The following ABAT variants were observed in gnomAD, a reference collection of about 807,000 sequenced individuals.
The protein encoded by ABAT is 4-aminobutyrate aminotransferase.
ABAT carries 45 observed loss-of-function variants against 64.6 expected under a neutral mutation model. The ratio of observed to expected loss-of-function variants is 0.70; its 90% confidence interval spans 0.55 to 0.89. ABAT has a LOEUF of 0.89. Among genes scored for constraint, ABAT ranks in the 40% least tolerant of loss-of-function variants. The probability of loss-of-function intolerance (pLI) is 0.00; values close to 1 mark genes in which losing one functional copy is unlikely to be tolerated. For synonymous variants in ABAT, 297 were observed against 250.5 expected (o/e 1.19, Z -1.75); for missense variants, 633 against 658.4 (o/e 0.96, Z 0.42).
In ABAT at chr16:8,764,457, C is replaced by T. The variant is rs533782382; in HGVS notation, c.448-281C>T. Among the ~76,000 whole-genome samples, 14 of 152,292 alleles carry T rather than the reference C, an allele frequency of 9.2e-5. No homozygotes were observed. The highest frequency in any genetic ancestry group is 2.0e-4 in the Admixed American group (3 of 15,290). On this transcript the variant is annotated intron_variant, in intron 7 of 15. Coordinates refer to ENST00000268251, the MANE Select transcript of ABAT (RefSeq NM_020686.6). The surrounding 1 kb of genome is among the most constrained non-coding windows in gnomAD (Gnocchi z 4.2). ...CGATTAAAGCCATTGGGAGCCTCAACGTCCCGCCTGGAACGTGTAGGTGTC... is the reference window on the plus strand; with the variant it reads ...CGATTAAAGCCATTGGGAGCCTCAATGTCCCGCCTGGAACGTGTAGGTGTC...
rs1216491825 is a variant in ABAT at position 8,772,824 on chromosome 16, G to T, written c.861G>T (p.Val287=). Residue 287 remains valine (V), a synonymous_variant, in exon 12 of 16, where the codon GTG becomes GTT. Transcript: ENST00000268251. The part of the protein sequence containing the change: ...IVKYRKKKKT[V]AGIIVEPIQS... ...AATATCGGAAAAAGAAGAAGACGGTGGCCGGGATCATCGTGGAGCCCATCC... is the reference window on the plus strand; with the variant it reads ...AATATCGGAAAAAGAAGAAGACGGTTGCCGGGATCATCGTGGAGCCCATCC... 6.2e-7 allele frequency: 1 copy of T among 1,614,100 alleles called. No individual in the cohort carries two copies. Among genetic ancestry groups the T allele is most frequent in the East Asian group, 2.2e-5 (1 of 44,872 alleles).
At chr16:8,719,800 C>T (rs973002995) in intron 1 of ABAT, among the ~76,000 whole-genome samples, 4 of 152,110 alleles carry the variant, frequency 2.6e-5, no homozygotes, top group African/African-American at 9.7e-5. Flanking sequence ...AAGTTGTTCA[C>T]AATTTTTGTT....
chr16:8,768,675 T>C, intron 10 of ABAT, 150 bp from the exon 11 acceptor site: 1 of 1,120,476 alleles, frequency 8.9e-7, no homozygotes, highest in South Asian at 1.2e-5. Context: ...AATTAAAAAT[T>C]AAACGATAAA....
intron 1 of ABAT, among the ~76,000 whole-genome samples, chr16:8,681,641 CTT>C (rs35141742): frequency 0.054 from 6,943 of 127,580 alleles, 195 homozygotes; most frequent in Middle Eastern, 0.11. Flanking sequence ...TGACTGCTAT[CTT>C]TTTTTTTTTT....
chr16:8,675,211 C>A (rs1462735783), intron 1 of ABAT, among the ~76,000 whole-genome samples: 1 of 151,942 alleles, frequency 6.6e-6, no homozygotes, highest in Non-Finnish European at 1.5e-5. Flanking sequence ...AGAGACTCTG[C>A]AAGTCACCCT....
chr16:8,781,384 A>T lies in ABAT; in HGVS notation c.1457A>T (p.His486Leu), dbSNP rs774437605. 1.6e-5 allele frequency: 26 copies of T among 1,614,198 alleles called. No homozygotes were observed. Among genetic ancestry groups the T allele is most frequent in the Middle Eastern group, 1.6e-4 (1 of 6,062 alleles). The change falls in exon 16 of 16, where the codon CAC (histidine) becomes CTC (leucine). Residue 486 changes from histidine to leucine, a missense_variant. By Grantham distance (99) the His-to-Leu change is moderately conservative. Transcript: ENST00000268251. The surrounding 1 kb of genome is among the most constrained non-coding windows in gnomAD (Gnocchi z 4.5). ...PTLVFRDHHA[H>L]LFLNIFSDIL... ...CTGGTCTTCAGGGATCACCACGCTC[A>T]CCTGTTCCTCAATATTTTCAGTGAC...
intron 15 of ABAT, chr16:8,780,755 T>C (rs1432280877): frequency 5.0e-4 from 90 of 179,970 alleles, no homozygotes; most frequent in South Asian, 1.1e-3. Flanking sequence ...AGCGCGAGAC[T>C]CCATCTCTAA....
chr16:8,737,037 C>G (rs1239708564), intron 2 of ABAT: 1 of 152,460 alleles, frequency 6.6e-6, no homozygotes, highest in African/African-American at 2.4e-5. Context: ...CATGGTGTCC[C>G]TTGTTGGCAG....
intron 1 of ABAT, chr16:8,713,578 TTCCCTCCG>T (rs1237543887): frequency 2.0e-5 from 5 of 255,608 alleles, no homozygotes; most frequent in African/African-American, 1.1e-4. Context: ...CTCCTTCACC[TTCCCTCCG>T]TCCCTCTCCC....
chr16:8,682,935 C>A (rs572118552), intron 1 of ABAT, among the ~76,000 whole-genome samples: 2 of 152,064 alleles, frequency 1.3e-5, no homozygotes, highest in African/African-American at 4.8e-5. Flanking sequence ...GTTTGAGAAG[C>A]GTATTTTAGA....
chr16:8,742,789 C>T (rs1005458607), intron 2 of ABAT, among the ~76,000 whole-genome samples: 4 of 150,712 alleles, frequency 2.7e-5, no homozygotes, highest in Non-Finnish European at 5.9e-5. Context: ...TTGCTTGAAA[C>T]CGGGATGCAG....
At chr16:8,772,279 TGTGTG>T (rs1341212039) in intron 11 of ABAT, among the ~76,000 whole-genome samples, 17 of 84,210 alleles carry the variant, frequency 2.0e-4, no homozygotes, top group African/African-American at 1.2e-3. Context: ...TGTGTGTGTG[TGTGTG>T]TGTGTGTGTG....
chr16:8,754,216 ATGGTGGTG>A lies in ABAT; in HGVS notation c.317-3540_317-3533del, dbSNP rs1297079356. ...AAAAAAAAAAAAAAATTAGCCGGGCATGGTGGTGCATACCTGTAATCCCAGCTATTCGG... is the reference window on the plus strand; with the variant it reads ...AAAAAAAAAAAAAAATTAGCCGGGCACATACCTGTAATCCCAGCTATTCGG... On this transcript the variant is annotated intron_variant, in intron 5 of 15. Coordinates refer to ENST00000268251, the MANE Select transcript of ABAT (RefSeq NM_020686.6). 1.3e-4 allele frequency among the ~76,000 whole-genome samples: 18 copies of A among 135,380 alleles called. 1 individual carries two copies. Among genetic ancestry groups the A allele is most frequent in the Non-Finnish European group, 2.4e-4 (15 of 62,572 alleles). The allele number at this position is 135,380 out of a possible 152,430, so 88.8% of individuals were successfully genotyped here.
At chr16:8,735,115 A>G (rs2058877205) in intron 1 of ABAT, among the ~76,000 whole-genome samples, 1 of 149,810 alleles carries the variant, frequency 6.7e-6, no homozygotes, top group African/African-American at 2.5e-5. Context: ...CTGAGGTTGC[A>G]GTGAACCGAG....
In ABAT at chr16:8,676,044, G is replaced by C. The variant is rs562413485; in HGVS notation, c.-42+1333G>C. Among the ~76,000 whole-genome samples, 93 of 152,180 alleles carry C rather than the reference G, an allele frequency of 6.1e-4. No individual in the cohort carries two copies. The Middle Eastern group carries it at 0.01, about 17-fold the overall frequency. The stretch of plus-strand genomic sequence containing the variant: ...CAGGATGTTGGTGACCTGGGGGTGG[G>C]GAGGGGGTGGGAAGAGCTCTTCTCT... On this transcript the variant is annotated intron_variant, in intron 1 of 15. Coordinates refer to ENST00000268251, the MANE Select transcript of ABAT (RefSeq NM_020686.6).
chr16:8,730,359 A>G (rs577603354), intron 1 of ABAT, among the ~76,000 whole-genome samples: 42 of 152,186 alleles, frequency 2.8e-4, no homozygotes, highest in African/African-American at 9.4e-4. Context: ...CCAACATTCT[A>G]TTAGCTCTGT....
At chr16:8,680,720 G>A (rs949831743) in intron 1 of ABAT, among the ~76,000 whole-genome samples, 2 of 152,128 alleles carry the variant, frequency 1.3e-5, no homozygotes, top group Admixed American at 6.6e-5. Context: ...GAGCCACTGC[G>A]CCCGACCTCC....
chr16:8,687,736 T>A (rs1338270309), intron 1 of ABAT, among the ~76,000 whole-genome samples: 2 of 152,128 alleles, frequency 1.3e-5, no homozygotes, highest in African/African-American at 2.4e-5. Context: ...AAGTCCTGAG[T>A]CTGGAAAGCA....
rs375495429 is a variant in ABAT, at chr16:8,733,795, TGAGAGGGAGACCGTGGAAAGAGAGG to T, written c.-41-1893_-41-1869del. 1.8e-3 allele frequency among the ~76,000 whole-genome samples: 270 copies of T among 147,986 alleles called. 2 individuals carry two copies. The East Asian group carries it at 0.024, about 13-fold the overall frequency. On this transcript the variant is annotated intron_variant, in intron 1 of 15. Coordinates refer to ENST00000268251, the MANE Select transcript of ABAT (RefSeq NM_020686.6). ...AGTACAGTCCAGCTTCGGCTCAGCA[TGAGAGGGAGACCGTGGAAAGAGAGG>T]GAGAGGGAGAGGGAGAGGGAACTGA...
Sources: allele counts gnomAD v4.1 joint callset (sites outside exome capture counted in the v4.1 genomes callset), GRCh38; gene constraint gnomAD v4.1.1; non-coding constraint Gnocchi (gnomAD v3.1); transcripts MANE v1.5; gene names NCBI Gene and HGNC (gene_info 2026-07-23, HGNC 2026-07-21).